The following AP3B1 variants were observed in gnomAD, a reference collection of about 807,000 sequenced individuals.
AP3B1 encodes AP-3 complex subunit beta-1.
AP3B1 carries 61 observed loss-of-function variants against 132.5 expected under a neutral mutation model. That is an observed-to-expected ratio of 0.46 (90% CI 0.37 to 0.57). The LOEUF is 0.57. Ranked by LOEUF, AP3B1 falls within the 20% of genes least tolerant of loss-of-function variation. The pLI is 0.00. For missense variants in AP3B1, 1,120 were observed against 1,289.4 expected (o/e 0.87, Z 2.01); for synonymous variants, 388 against 438.3 (o/e 0.89, Z 1.43).
At position 78,181,448 on chromosome 5, in the gene AP3B1, T is replaced by A. The variant is rs1026707093; in HGVS notation, c.942+59A>T. On this transcript the variant is annotated intron_variant, in intron 8 of 26. Transcript: ENST00000255194. ...CAGACTCACTTACTAAATTGAGATATTTTTAATTGCTGTTTTTTAAAAACC... is the reference window on the plus strand; with the variant it reads ...CAGACTCACTTACTAAATTGAGATAATTTTAATTGCTGTTTTTTAAAAACC... The A allele has an allele frequency of 5.2e-6, 8 of 1,526,300 alleles. No homozygotes were observed. The African/African-American group carries it at 9.6e-5, about 18-fold the overall frequency. 94.5% of individuals were successfully genotyped at this position (1,526,300 alleles called of 1,614,324 possible). A position where few individuals can be genotyped will look rare whatever the true frequency, so the allele number is the denominator to read the frequency against.
intron 15 of AP3B1, among the ~76,000 whole-genome samples, chr5:78,129,552 G>A (rs1485806075): frequency 6.6e-6 from 1 of 152,038 alleles, no homozygotes; most frequent in Non-Finnish European, 1.5e-5. Flanking sequence ...TTAAACTGCT[G>A]AAGTGGAAAG....
At chr5:78,020,349 G>T (rs1409995220) in intron 25 of AP3B1, among the ~76,000 whole-genome samples, 1 of 152,094 alleles carries the variant, frequency 6.6e-6, no homozygotes, top group African/African-American at 2.4e-5. Flanking sequence ...AACAATTATA[G>T]TGGTAGGACA....
intron 17 of AP3B1, 45 bp from the exon 18 acceptor site, chr5:78,116,279 G>C: frequency 6.6e-7 from 1 of 1,523,628 alleles, no homozygotes; most frequent in Non-Finnish European, 9.1e-7. Context: ...CTCATTCAGA[G>C]ATTTAGAGTT....
In AP3B1 at chr5:78,183,025, C is replaced by T. The variant is rs148110103; in HGVS notation, c.787-1363G>A. ...CCTAGTGCATAGTCAGGACTTGCAG[C>T]ACCACACCTAGTAGTAACCAAAGTC... On this transcript the variant is annotated intron_variant, in intron 7 of 26. Transcript: ENST00000255194. Among the ~76,000 whole-genome samples the T allele has an allele frequency of 1.2e-3, 177 of 152,324 alleles. 2 individuals carry two copies. The highest frequency in any genetic ancestry group is 3.5e-3 in the East Asian group (18 of 5,192).
intron 1 of AP3B1, among the ~76,000 whole-genome samples, chr5:78,272,477 A>C (rs1748585963): frequency 1.3e-5 from 2 of 152,192 alleles, no homozygotes; most frequent in Non-Finnish European, 2.9e-5. Context: ...CCTCCTTTAG[A>C]TTCTGAAGCT....
chr5:78,124,244 T>C (rs1462460191), intron 17 of AP3B1, among the ~76,000 whole-genome samples: 3 of 152,156 alleles, frequency 2.0e-5, no homozygotes, highest in African/African-American at 7.2e-5. Flanking sequence ...ATATACCTAA[T>C]GCTAAATGAC....
intron 19 of AP3B1, among the ~76,000 whole-genome samples, chr5:78,111,256 CTT>C (rs1751577778): frequency 6.6e-6 from 1 of 152,076 alleles, no homozygotes; most frequent in Non-Finnish European, 1.5e-5. Flanking sequence ...CAAATATAAA[CTT>C]TTAAAATATC....
chr5:78,013,545 T>C (rs1248569692), intron 26 of AP3B1, among the ~76,000 whole-genome samples: 1 of 152,220 alleles, frequency 6.6e-6, no homozygotes, highest in Non-Finnish European at 1.5e-5. Context: ...AATTTCATAC[T>C]GAAGAAGTTA....
intron 13 of AP3B1, among the ~76,000 whole-genome samples, 197 bp downstream of exon 13, chr5:78,162,622 T>C (rs1743432577): frequency 6.6e-6 from 1 of 152,040 alleles, no homozygotes; most frequent in Non-Finnish European, 1.5e-5. Context: ...GTTAATGGCC[T>C]ATTTTACTAA....
At chr5:78,237,374 G>A in intron 3 of AP3B1, among the ~76,000 whole-genome samples, 1 of 151,812 alleles carries the variant, frequency 6.6e-6, no homozygotes, top group Admixed American at 6.6e-5. Flanking sequence ...CGCACCTGTG[G>A]TCCCAGCTAC....
At chr5:78,131,083 A>G (rs1311529900) in intron 15 of AP3B1, among the ~76,000 whole-genome samples, 3 of 151,908 alleles carry the variant, frequency 2.0e-5, no homozygotes, top group Non-Finnish European at 2.9e-5. Context: ...ATTTTCAAAA[A>G]TAACATTCTT....
chr5:78,109,231 A>G (rs1053672663), intron 20 of AP3B1, among the ~76,000 whole-genome samples: 1 of 152,162 alleles, frequency 6.6e-6, no homozygotes, highest in African/African-American at 2.4e-5. Context: ...AGGTTTTAAT[A>G]TATGCAAGAA....
intron 14 of AP3B1, among the ~76,000 whole-genome samples, chr5:78,155,001 C>G (rs1743088664): frequency 1.3e-5 from 2 of 152,118 alleles, no homozygotes; most frequent in African/African-American, 4.8e-5. Context: ...CCTGGATGGT[C>G]TTGATGCTTA....
intron 7 of AP3B1, among the ~76,000 whole-genome samples, chr5:78,214,537 G>A (rs1020252291): frequency 1.3e-5 from 2 of 152,064 alleles, no homozygotes; most frequent in Non-Finnish European, 2.9e-5. Context: ...TGATAGGAAA[G>A]TAAAATTTAA....
chr5:78,161,170 G>A (rs1161729560), intron 13 of AP3B1, among the ~76,000 whole-genome samples: 1 of 151,848 alleles, frequency 6.6e-6, no homozygotes, highest in Non-Finnish European at 1.5e-5. Context: ...AAGTGATGTA[G>A]GGGTAGAATA....
intron 24 of AP3B1, among the ~76,000 whole-genome samples, chr5:78,030,959 T>G (rs1747552654): frequency 1.3e-5 from 2 of 152,236 alleles, no homozygotes; most frequent in African/African-American, 4.8e-5. Flanking sequence ...GGGTTATGGA[T>G]GTAAGCCACC....
chr5:78,162,697 C>T, intron 13 of AP3B1, 122 bp downstream of exon 13: 1 of 1,012,610 alleles, frequency 9.9e-7, no homozygotes, highest in Admixed American at 2.0e-5. Context: ...CTTATTGTGA[C>T]CATACTACTG....
At position 78,257,536 on chromosome 5, in the gene AP3B1, G is replaced by T. The variant is rs561686625; in HGVS notation, c.204+9984C>A. Among the ~76,000 whole-genome samples, 61 of 152,192 alleles carry T rather than the reference G, an allele frequency of 4.0e-4. No homozygotes were observed. The South Asian group carries it at 0.012, about 31-fold the overall frequency. ...AAATTGAAAAGGACACCAAAAAATG[G>T]AAAAATATTCTGTGTTCATGGCCTG... On this transcript the variant is annotated intron_variant, in intron 2 of 26. Transcript: ENST00000255194.
intron 6 of AP3B1, among the ~76,000 whole-genome samples, chr5:78,221,100 T>C (rs1479428458): frequency 1.3e-5 from 2 of 152,070 alleles, no homozygotes; most frequent in Non-Finnish European, 2.9e-5. Context: ...CTACAAAACA[T>C]ATCTCGAAAT....
Sources: allele counts gnomAD v4.1 joint callset (sites outside exome capture counted in the v4.1 genomes callset), GRCh38; gene constraint gnomAD v4.1.1; transcripts MANE v1.5; gene names NCBI Gene and HGNC (gene_info 2026-07-23, HGNC 2026-07-21).